Variants in CASP4 observed in about 807,000 individuals in gnomAD.
CASP4 encodes caspase 4, also known as caspase-4.
In CASP4, 29 loss-of-function variants were observed where a neutral mutation model predicts 41.3. The ratio of observed to expected loss-of-function variants is 0.70; its 90% confidence interval spans 0.52 to 0.96. The LOEUF is 0.96. CASP4 is among the 40% of genes least tolerant of loss of function. CASP4 has a pLI of 0.00. For synonymous variants in CASP4, 185 were observed against 158.4 expected (o/e 1.17, Z -1.26); for missense variants, 447 against 460.6 (o/e 0.97, Z 0.27).
At chr11:104,956,566 C>A (rs552618067) in intron 1 of CASP4, 7 of 691,416 alleles carry the variant, frequency 1.0e-5, no homozygotes, top group Non-Finnish European at 1.2e-5. Context: ...GAATCCAGAG[C>A]CCCCATTCTT....
intron 1 of CASP4, among the ~76,000 whole-genome samples, chr11:104,964,448 T>A (rs1860929885): frequency 6.6e-6 from 1 of 152,266 alleles, no homozygotes; most frequent in South Asian, 2.1e-4. Context: ...TCTCTCTACC[T>A]GATTTCTCCA....
At chr11:104,950,826 A>ACACAC (rs2134639886) in intron 4 of CASP4, 99 bp downstream of exon 4, 110 of 1,118,970 alleles carry the variant, frequency 9.8e-5, no homozygotes, top group Non-Finnish European at 1.1e-4. Context: ...ACACACACCC[A>ACACAC]AAGGTTGTTA....
At chr11:104,964,254 A>C (rs1193728108) in intron 1 of CASP4, among the ~76,000 whole-genome samples, 1 of 152,140 alleles carries the variant, frequency 6.6e-6, no homozygotes, top group Non-Finnish European at 1.5e-5. Flanking sequence ...AACTTTAAAA[A>C]TTGTGCTATT....
At chr11:104,956,697 T>C (rs1240479027) in intron 1 of CASP4, 1 of 969,664 alleles carries the variant, frequency 1.0e-6, no homozygotes, top group Non-Finnish European at 1.2e-6. Flanking sequence ...CAAAGGCTTC[T>C]GAGAAGAGGT....
chr11:104,949,397 G>T, intron 5 of CASP4, 146 bp downstream of exon 5: 1 of 818,520 alleles, frequency 1.2e-6, no homozygotes. Context: ...TGTTATACCA[G>T]ACCCTTAGGT....
intron 7 of CASP4, among the ~76,000 whole-genome samples, chr11:104,945,338 C>T (rs1027014274): frequency 2.6e-5 from 4 of 151,786 alleles, no homozygotes; most frequent in East Asian, 1.9e-4. Flanking sequence ...CTGCAACCTC[C>T]GCCTCCAGAG....
At chr11:104,954,595 G>A in intron 2 of CASP4, 152 bp downstream of exon 2, 2 of 726,334 alleles carry the variant, frequency 2.8e-6, no homozygotes, top group Non-Finnish European at 4.5e-6. Context: ...CCACAAAAGG[G>A]AAGTGGTCTC....
chr11:104,963,663 G>T (rs542201792), intron 1 of CASP4, among the ~76,000 whole-genome samples: 5 of 152,174 alleles, frequency 3.3e-5, no homozygotes, highest in Non-Finnish European at 7.4e-5. Context: ...TGGAAGATAC[G>T]GAAACATCCC....
chr11:104,958,217 G>T (rs1237695083), intron 1 of CASP4, among the ~76,000 whole-genome samples: 1 of 152,126 alleles, frequency 6.6e-6, no homozygotes, highest in Non-Finnish European at 1.5e-5. Context: ...CATAACATTG[G>T]TCTAGACAGT....
At chr11:104,948,446 T>G in intron 6 of CASP4, 87 bp downstream of exon 6, 1 of 1,293,262 alleles carries the variant, frequency 7.7e-7, no homozygotes, top group Non-Finnish European at 1.1e-6. Flanking sequence ...ATCAGATCAT[T>G]GTTTCATAGG....
At position 104,953,684 on chromosome 11, in the gene CASP4, C is replaced by G. The variant is rs375991203; in HGVS notation, c.262+1063G>C. Among the ~76,000 whole-genome samples, 3 of 152,126 alleles carry G rather than the reference C, an allele frequency of 2.0e-5. No homozygotes were observed. The East Asian group carries it at 5.8e-4, about 29-fold the overall frequency. On this transcript the variant is annotated intron_variant, in intron 2 of 8. Coordinates refer to ENST00000444739, the MANE Select transcript of CASP4 (RefSeq NM_001225.4). ...GTGAGGTCTCAACAATTTATATTTCCTTTTGTTTATCACTATTTATCATTA... is the reference window on the plus strand; with the variant it reads ...GTGAGGTCTCAACAATTTATATTTCGTTTTGTTTATCACTATTTATCATTA...
Position 104,949,577 on chromosome 11 carries a change from T to G in CASP4, c.747A>C (p.Lys249Asn). ...NNRNCLSLKD[K>N]PKVIIVQACR... ...AGGCCTGGACAATGATGACCTTGGG[T>G]TTGTCCTTCAGACTGAGGCAGTTGC... is the stretch of plus-strand genomic sequence containing the variant. The change falls in exon 5 of 9, where the codon AAA becomes AAC. Residue 249 changes from lysine (K) to asparagine (N), a missense_variant. Transcript: ENST00000444739. The G allele has an allele frequency of 6.2e-7, 1 of 1,613,896 alleles. No individual in the cohort carries two copies. The highest frequency in any genetic ancestry group is 2.2e-5 in the East Asian group (1 of 44,882).
chr11:104,954,382 C>A (rs1434710128), intron 2 of CASP4, among the ~76,000 whole-genome samples: 2 of 152,052 alleles, frequency 1.3e-5, no homozygotes, highest in African/African-American at 4.8e-5. Flanking sequence ...CTGGAATTGT[C>A]TTCATTTCAC....
At chr11:104,944,916 C>T in intron 7 of CASP4, 65 bp from the exon 8 acceptor site, 2 of 1,118,304 alleles carry the variant, frequency 1.8e-6, no homozygotes, top group Non-Finnish European at 2.7e-6. Context: ...GCATCTTTCA[C>T]CATGTACCAG....
rs1207414214 is a variant in CASP4, at chr11:104,955,118, C to T, written c.8-117G>A. On this transcript the variant is annotated intron_variant, in intron 1 of 8. Coordinates refer to ENST00000444739, the MANE Select transcript of CASP4 (RefSeq NM_001225.4). The stretch of plus-strand genomic sequence containing the variant: ...CTGAAAGTATGTCCTACTTCACCAT[C>T]TGTCTTCTTGTACCTATAGAGTTCT... 7.8e-6 allele frequency: 8 copies of T among 1,019,346 alleles called. No homozygotes were observed. The East Asian group carries it at 2.0e-4, about 25-fold the overall frequency. 63.1% of individuals were successfully genotyped at this position (1,019,346 alleles called of 1,614,324 possible).
Position 104,951,009 on chromosome 11 carries a change from T to A in CASP4, c.462A>T (p.Gly154=). 6.2e-7 allele frequency: 1 copy of A among 1,613,492 alleles called. No individual in the cohort carries two copies. Among genetic ancestry groups the A allele is most frequent in the Non-Finnish European group, 8.5e-7 (1 of 1,179,614 alleles). Residue 154 remains glycine (G), a synonymous_variant, in exon 4 of 9, where the codon GGA becomes GGT. Coordinates refer to ENST00000444739, the MANE Select transcript of CASP4 (RefSeq NM_001225.4). The part of the protein sequence containing the change: ...TEFDHLPPRN[G]ADFDITGMKE... The stretch of plus-strand genomic sequence containing the variant: ...TCATCCCTGTGATGTCAAAGTCAGC[T>A]CCATTCCTCGGAGGCAGATGGTCAA...
At chr11:104,947,935 A>T (rs1860503963) in intron 6 of CASP4, 1 of 152,192 alleles carries the variant, frequency 6.6e-6, no homozygotes, top group Non-Finnish European at 1.5e-5. Context: ...AAATCTCCAA[A>T]CTCATTAAGT....
Position 104,944,505 on chromosome 11 carries a change from T to G in CASP4, c.*5+243A>C. ...AATTACTATCCTTGGTTTTTCATCA[T>G]CACATTCTGCTGCGGTTTTCCTTAC... On this transcript the variant is annotated intron_variant, in intron 8 of 8. Coordinates refer to ENST00000444739, the MANE Select transcript of CASP4 (RefSeq NM_001225.4). 9.2e-6 allele frequency: 4 copies of G among 435,886 alleles called. No individual in the cohort carries two copies. The South Asian group carries it at 9.2e-5, about 10-fold the overall frequency. The allele number at this position is 435,886 out of a possible 1,614,324, so 27.0% of individuals were successfully genotyped here.
At chr11:104,951,565 C>G in intron 3 of CASP4, 1 of 351,634 alleles carries the variant, frequency 2.8e-6, no homozygotes, top group Non-Finnish European at 5.4e-6. Flanking sequence ...AGAGTGCAAC[C>G]AATTACAAGT....
Sources: allele counts gnomAD v4.1 joint callset (sites outside exome capture counted in the v4.1 genomes callset), GRCh38; gene constraint gnomAD v4.1.1; transcripts MANE v1.5; gene names NCBI Gene and HGNC (gene_info 2026-07-23, HGNC 2026-07-21).